GTSE1: variants seen among roughly 807,000 people sequenced by gnomAD.
GTSE1 encodes the protein G2 and S phase-expressed protein 1.
GTSE1 carries 52 observed loss-of-function variants against 60.5 expected under a neutral mutation model. The ratio of observed to expected loss-of-function variants is 0.86; its 90% CI spans 0.69 to 1.08. The LOEUF (loss-of-function observed/expected upper bound fraction) is 1.08. GTSE1 is among the 50% of genes least tolerant of loss of function. GTSE1 has a pLI of 0.00. For synonymous variants in GTSE1, 368 were observed against 386.5 expected (o/e 0.95, Z 0.56); for missense variants, 937 against 961.8 (o/e 0.97, Z 0.34).
Position 46,330,185 on chromosome 22 carries a change from C to T in GTSE1, c.*55C>T. 4.8e-6 allele frequency: 5 copies of T among 1,049,146 alleles called. No homozygotes were observed. The highest frequency in any genetic ancestry group is 7.5e-6 in the Non-Finnish European group (5 of 664,874). 65.0% of individuals were successfully genotyped at this position (1,049,146 alleles called of 1,614,324 possible). On this transcript the variant is annotated 3_prime_UTR_variant, in exon 12 of 12. Coordinates refer to ENST00000454366, the MANE Select transcript of GTSE1 (RefSeq NM_016426.7). This position sits in a 1 kb window ranked among gnomAD's most constrained non-coding sequence, Gnocchi z 6.0. ...CAGCCCTAAAGTGGTTTTCAACCCT[C>T]AGAAACAAGCTTTAGGCTGGTCGCA...
Position 46,329,176 on chromosome 22 carries a change from G to A in GTSE1, c.1927-182G>A, listed in dbSNP as rs1338906087. 2 of 667,646 alleles carry A rather than the reference G, an allele frequency of 3.0e-6. No individual in the cohort carries two copies. Among genetic ancestry groups the A allele is most frequent in the Non-Finnish European group, 5.3e-6 (2 of 375,740 alleles). 41.4% of individuals were successfully genotyped at this position (667,646 alleles called of 1,614,324 possible). A position where few individuals can be genotyped will look rare whatever the true frequency, so the allele number is the denominator to read the frequency against. ...CTGGTGAGCGGGTATGGACAGGGAG[G>A]TGGGCAACAGTCAGAGAGGCACGGC... On this transcript the variant is annotated intron_variant, in intron 10 of 11. Transcript: ENST00000454366. The surrounding 1 kb of genome is among the most constrained non-coding windows in gnomAD (Gnocchi z 6.4).
chr22:46,327,242 C>G (rs2077849574), intron 9 of GTSE1: 1 of 151,872 alleles, frequency 6.6e-6, no homozygotes. Context: ...TAAAATTTAT[C>G]TAAATTGACC....
Position 46,310,436 on chromosome 22 carries a change from C to T in GTSE1, c.762+1493C>T, listed in dbSNP as rs575415439. Among the ~76,000 whole-genome samples, 10 of 152,232 alleles carry T rather than the reference C, an allele frequency of 6.6e-5. No individual in the cohort carries two copies. The highest frequency in any genetic ancestry group is 1.2e-4 in the Non-Finnish European group (8 of 68,006). On this transcript the variant is annotated intron_variant, in intron 4 of 11. Transcript: ENST00000454366. The surrounding 1 kb of genome is among the most constrained non-coding windows in gnomAD (Gnocchi z 4.4). ...TCAAAAAAATAAATGTAGAGGGTCC[C>T]ATGGGACCCAGCAATTCCACTCCTT... is the stretch of plus-strand genomic sequence containing the variant.
In GTSE1 at chr22:46,319,751, C is replaced by T. The variant is rs142053967; in HGVS notation, c.1432+3339C>T. 6.6e-6 allele frequency among the ~76,000 whole-genome samples: 1 copy of T among 152,070 alleles called. No individual in the cohort carries two copies. Among genetic ancestry groups the T allele is most frequent in the African/African-American group, 2.4e-5 (1 of 41,500 alleles). ...CTGTAATCCTAGCACTTTGGGAGGC[C>T]GAGGTGAGCAGATCACCTGAGGTCA... On this transcript the variant is annotated intron_variant, in intron 7 of 11. Transcript: ENST00000454366. This position sits in a 1 kb window ranked among gnomAD's most constrained non-coding sequence, Gnocchi z 5.0.
Position 46,320,993 on chromosome 22 carries a change from G to A in GTSE1, c.1433-2197G>A, listed in dbSNP as rs1026295459. ...AGGACAACCGAGAGGAAGGGGTCTC[G>A]GGAGAGAGGGAGCCAACACGGGAGG... On this transcript the variant is annotated intron_variant, in intron 7 of 11. Coordinates refer to ENST00000454366, the MANE Select transcript of GTSE1 (RefSeq NM_016426.7). The surrounding 1 kb of genome is among the most constrained non-coding windows in gnomAD (Gnocchi z 7.1). 6.6e-6 allele frequency among the ~76,000 whole-genome samples: 1 copy of A among 152,016 alleles called. No homozygotes were observed. Among genetic ancestry groups the A allele is most frequent in the Non-Finnish European group, 1.5e-5 (1 of 68,000 alleles).
chr22:46,325,230 T>G (rs1007128764), intron 8 of GTSE1, among the ~76,000 whole-genome samples: 1 of 152,210 alleles, frequency 6.6e-6, no homozygotes, highest in South Asian at 2.1e-4. Flanking sequence ...GGAGACTCGC[T>G]CTGTCACCTA....
Sources: gnomAD v4.1 joint callset for allele counts (sites outside exome capture counted in the v4.1 genomes callset) on GRCh38, gnomAD v4.1.1 for gene constraint, Gnocchi (gnomAD v3.1) non-coding constraint, MANE v1.5 for transcripts, NCBI Gene and HGNC (gene_info 2026-07-23, HGNC 2026-07-21) for gene names.